The following TSNARE1 variants were observed in gnomAD, a reference collection of about 807,000 sequenced individuals.
TSNARE1 encodes the protein t-SNARE domain-containing protein 1.
A neutral mutation model predicts 62.0 loss-of-function variants in TSNARE1; 49 were observed. The ratio of observed to expected loss-of-function variants is 0.79; its 90% CI spans 0.63 to 1.00. TSNARE1 has a LOEUF of 1.00. Among genes scored for constraint, TSNARE1 ranks in the 50% least tolerant of loss-of-function variants. The pLI is 0.00. For synonymous variants in TSNARE1, 328 were observed against 294.4 expected (o/e 1.11, Z -1.17); for missense variants, 755 against 700.1 (o/e 1.08, Z -0.88).
intron 9 of TSNARE1, among the ~76,000 whole-genome samples, chr8:142,306,272 ACATGGAGGCGTG>A (rs1826649108): frequency 6.6e-6 from 1 of 152,242 alleles, no homozygotes; most frequent in Non-Finnish European, 1.5e-5. Context: ...TGTGCCTCAA[ACATGGAGGCGTG>A]TCTAGGCAAT....
At chr8:142,314,023 C>T (rs1828094494) in intron 9 of TSNARE1, among the ~76,000 whole-genome samples, 1 of 152,226 alleles carries the variant, frequency 6.6e-6, no homozygotes, top group Admixed American at 6.5e-5. Context: ...AGGTGATCCG[C>T]CCACCTCGGC....
chr8:142,249,850 G>A (rs1818072662), intron 12 of TSNARE1, among the ~76,000 whole-genome samples: 1 of 152,232 alleles, frequency 6.6e-6, no homozygotes, highest in African/African-American at 2.4e-5. Flanking sequence ...AAGCATGGCA[G>A]CAAAGCCACA....
intron 9 of TSNARE1, among the ~76,000 whole-genome samples, chr8:142,303,548 T>G (rs1826136586): frequency 6.6e-6 from 1 of 152,122 alleles, no homozygotes; most frequent in South Asian, 2.1e-4. Flanking sequence ...GGAACACCCA[T>G]GGGGGGCCCA....
intron 12 of TSNARE1, among the ~76,000 whole-genome samples, chr8:142,256,355 T>TCACCATCAC (rs1818562423): frequency 1.0e-3 from 1 of 954 alleles, no homozygotes; most frequent in Non-Finnish European, 2.3e-3. Flanking sequence ...ATCACCATCA[T>TCACCATCAC]TATCACCACC....
At chr8:142,348,414 C>T (rs1833660165) in intron 2 of TSNARE1, among the ~76,000 whole-genome samples, 1 of 152,176 alleles carries the variant, frequency 6.6e-6, no homozygotes, top group Non-Finnish European at 1.5e-5. Context: ...GTGTCTATCT[C>T]CTAAGACAGA....
chr8:142,284,098 G>A (rs1326661280), intron 11 of TSNARE1, among the ~76,000 whole-genome samples: 4 of 141,016 alleles, frequency 2.8e-5, no homozygotes, highest in East Asian at 2.1e-4. Flanking sequence ...GAGCAGAGGC[G>A]GGGCCAGTGT....
intron 11 of TSNARE1, chr8:142,277,817 A>C: frequency 1.0e-6 from 1 of 985,294 alleles, no homozygotes; most frequent in Non-Finnish European, 1.2e-6. Context: ...AGGGTGAGCA[A>C]ACCTGAGTTC....
chr8:142,256,124 CCAT>C (rs1175110770), intron 12 of TSNARE1, among the ~76,000 whole-genome samples: 87 of 118,836 alleles, frequency 7.3e-4, no homozygotes, highest in African/African-American at 2.1e-3. Context: ...ACCATCACCA[CCAT>C]CATCACCGTC....
intron 12 of TSNARE1, chr8:142,270,946 T>C (rs1322566747): frequency 2.0e-6 from 2 of 985,352 alleles, no homozygotes; most frequent in South Asian, 4.7e-5. Flanking sequence ...CATCCTCTCA[T>C]CCTTCCGGTC....
At chr8:142,285,805 C>T (rs997982534) in intron 10 of TSNARE1, among the ~76,000 whole-genome samples, 2 of 152,142 alleles carry the variant, frequency 1.3e-5, no homozygotes, top group Non-Finnish European at 2.9e-5. Flanking sequence ...CTACCTTTAC[C>T]CTAACTCCTT....
chr8:142,311,603 T>C (rs1827638600), intron 9 of TSNARE1, among the ~76,000 whole-genome samples: 1 of 151,990 alleles, frequency 6.6e-6, no homozygotes, highest in Non-Finnish European at 1.5e-5. Context: ...GCAAGGGTGG[T>C]TTTTTAAAAG....
intron 6 of TSNARE1, among the ~76,000 whole-genome samples, chr8:142,328,176 C>A (rs956000657): frequency 6.7e-6 from 1 of 149,352 alleles, no homozygotes; most frequent in Non-Finnish European, 1.5e-5. Context: ...AAAAAAAAAA[C>A]TAACTTCCTT....
intron 12 of TSNARE1, chr8:142,271,314 C>T (rs1351558891): frequency 3.5e-5 from 39 of 1,121,484 alleles, no homozygotes; most frequent in East Asian, 4.6e-5. Context: ...TGGCTCTGCT[C>T]GGCCAGCCGC....
intron 1 of TSNARE1, among the ~76,000 whole-genome samples, chr8:142,375,122 A>G (rs1447236466): frequency 6.6e-6 from 1 of 152,244 alleles, no homozygotes; most frequent in Non-Finnish European, 1.5e-5. Context: ...CATTGGTCAC[A>G]GTACACTCCA....
intron 10 of TSNARE1, among the ~76,000 whole-genome samples, chr8:142,297,663 C>T (rs1485748996): frequency 6.6e-6 from 1 of 152,224 alleles, no homozygotes; most frequent in Non-Finnish European, 1.5e-5. Context: ...GCGCAGGCTG[C>T]AAAGATGGCT....
intron 1 of TSNARE1, among the ~76,000 whole-genome samples, chr8:142,385,945 C>T (rs1417990053): frequency 6.6e-6 from 1 of 152,192 alleles, no homozygotes; most frequent in African/African-American, 2.4e-5. Flanking sequence ...CCTGTGGCTA[C>T]AGGACTGAGG....
At chr8:142,351,488 A>G (rs748269361) in intron 2 of TSNARE1, among the ~76,000 whole-genome samples, 6 of 152,170 alleles carry the variant, frequency 3.9e-5, no homozygotes, top group Non-Finnish European at 4.4e-5. Flanking sequence ...AAACCCCATA[A>G]ATATAAAGAC....
intron 9 of TSNARE1, among the ~76,000 whole-genome samples, chr8:142,310,215 T>C (rs1827343222): frequency 6.6e-6 from 1 of 152,256 alleles, no homozygotes; most frequent in African/African-American, 2.4e-5. Flanking sequence ...AATTTCTGCC[T>C]TAGTAATTGC....
chr8:142,377,549 C>T lies in TSNARE1; in HGVS notation c.-39-22786G>A, dbSNP rs188977374. On this transcript the variant is annotated intron_variant, in intron 1 of 13. Transcript: ENST00000524325. ...GGCAGCGTGCAGGAAGGCAGGCGAG[C>T]GCCCCAGCAGCATGACAAATAACCC... Among the ~76,000 whole-genome samples the T allele has an allele frequency of 2.6e-5, 4 of 152,326 alleles. No homozygotes were observed. The East Asian group carries it at 7.7e-4, about 29-fold the overall frequency.
Sources: gnomAD v4.1 joint callset for allele counts (sites outside exome capture counted in the v4.1 genomes callset) on GRCh38, gnomAD v4.1.1 for gene constraint, MANE v1.5 for transcripts, NCBI Gene and HGNC (gene_info 2026-07-23, HGNC 2026-07-21) for gene names.